GULP1: variants seen among roughly 807,000 people sequenced by gnomAD.
GULP1 encodes PTB domain-containing engulfment adapter protein 1.
GULP1 carries 19 observed loss-of-function variants against 40.9 expected under a neutral mutation model. The ratio of observed to expected loss-of-function variants is 0.46; its 90% confidence interval spans 0.32 to 0.68. GULP1 has a LOEUF of 0.68. Ranked by LOEUF, GULP1 falls within the 30% of genes least tolerant of loss-of-function variation. GULP1 has a pLI of 0.03. For missense variants in GULP1, 312 were observed against 362.2 expected (o/e 0.86, Z 1.12); for synonymous variants, 119 against 117.6 (o/e 1.01, Z -0.08).
chr2:188,477,574 G>A, intron 2 of GULP1, 85 bp from the exon 3 acceptor site: 1 of 675,862 alleles, frequency 1.5e-6, no homozygotes, highest in South Asian at 2.0e-5. Context: ...AATTTAAAAA[G>A]CCTTTATAAT....
rs1381029468 is a variant in GULP1, at chr2:188,520,637, A to C, written c.91-2119A>C. ...TTTACTCTCTAGCCTCCATTTGTTC[A>C]TCAGAAAGGGAACACCAGTTGTTGC... On this transcript the variant is annotated intron_variant, in intron 4 of 11. Coordinates refer to ENST00000409830, the MANE Select transcript of GULP1 (RefSeq NM_016315.4). Among the ~76,000 whole-genome samples the C allele has an allele frequency of 2.0e-5, 3 of 151,606 alleles. No individual in the cohort carries two copies. In the South Asian group the frequency reaches 6.3e-4, roughly 32 times the overall value.
At chr2:188,520,472 G>A (rs2065632411) in intron 4 of GULP1, among the ~76,000 whole-genome samples, 1 of 150,136 alleles carries the variant, frequency 6.7e-6, no homozygotes, top group Middle Eastern at 3.2e-3. Context: ...GAAAGTTGCA[G>A]TGAGCCGAGG....
At chr2:188,493,369 C>G (rs1229803541) in intron 4 of GULP1, among the ~76,000 whole-genome samples, 3 of 152,000 alleles carry the variant, frequency 2.0e-5, no homozygotes, top group Non-Finnish European at 4.4e-5. Context: ...CCTGAGACTT[C>G]ATTTTTTATC....
intron 7 of GULP1, among the ~76,000 whole-genome samples, chr2:188,564,087 A>G (rs1020513986): frequency 1.3e-5 from 2 of 151,980 alleles, no homozygotes; most frequent in African/African-American, 2.4e-5. Context: ...TAAAATTTAT[A>G]GCATGCTAGG....
intron 9 of GULP1, among the ~76,000 whole-genome samples, chr2:188,583,755 A>G (rs907835551): frequency 7.2e-5 from 11 of 152,198 alleles, no homozygotes; most frequent in African/African-American, 1.4e-4. Context: ...TGTTGATATA[A>G]ATACAAACTA....
intron 2 of GULP1, among the ~76,000 whole-genome samples, chr2:188,447,299 T>G (rs1048525532): frequency 6.6e-6 from 1 of 152,094 alleles, no homozygotes; most frequent in Non-Finnish European, 1.5e-5. Flanking sequence ...TCAGCAGTTC[T>G]GAAAGGGAGG....
At chr2:188,294,649 T>G (rs2034528057) in intron 1 of GULP1, among the ~76,000 whole-genome samples, 4 of 152,200 alleles carry the variant, frequency 2.6e-5, no homozygotes, top group Non-Finnish European at 5.9e-5. Context: ...TTTAAGAGTT[T>G]GAGATTGTGA....
chr2:188,584,599 T>C (rs1701987882), intron 10 of GULP1, among the ~76,000 whole-genome samples, 196 bp downstream of exon 10: 1 of 151,994 alleles, frequency 6.6e-6, no homozygotes, highest in Non-Finnish European at 1.5e-5. Flanking sequence ...ACTAATGACA[T>C]CTCTGCTTGC....
At chr2:188,465,670 C>T (rs140129791) in intron 2 of GULP1, among the ~76,000 whole-genome samples, 2 of 152,070 alleles carry the variant, frequency 1.3e-5, no homozygotes, top group African/African-American at 4.8e-5. Flanking sequence ...TTAAATTCTC[C>T]CTCCTTGGGC....
chr2:188,343,803 T>C (rs1423419209), intron 1 of GULP1, among the ~76,000 whole-genome samples: 2 of 152,182 alleles, frequency 1.3e-5, no homozygotes, highest in African/African-American at 4.8e-5. Context: ...TTTTTATTTT[T>C]ATTTTTTATT....
At chr2:188,425,290 G>A (rs1405309135) in intron 2 of GULP1, among the ~76,000 whole-genome samples, 1 of 152,046 alleles carries the variant, frequency 6.6e-6, no homozygotes, top group South Asian at 2.1e-4. Flanking sequence ...CTGTTGTTAT[G>A]AGCTTATGGA....
At chr2:188,459,439 T>C (rs550146777) in intron 2 of GULP1, among the ~76,000 whole-genome samples, 10 of 152,282 alleles carry the variant, frequency 6.6e-5, no homozygotes, top group African/African-American at 2.2e-4. Flanking sequence ...ATACATCCTT[T>C]TCATATGCCT....
chr2:188,318,699 C>T (rs1341988037), intron 1 of GULP1, among the ~76,000 whole-genome samples: 1 of 152,136 alleles, frequency 6.6e-6, no homozygotes, highest in Admixed American at 6.6e-5. Context: ...ATCCAACAAC[C>T]CAGGAGTTAT....
chr2:188,352,537 C>T (rs2044597056), intron 1 of GULP1, among the ~76,000 whole-genome samples: 1 of 151,492 alleles, frequency 6.6e-6, no homozygotes, highest in Admixed American at 6.6e-5. Context: ...GCCCATTTGC[C>T]CATTCCTTAA....
chr2:188,445,342 C>T (rs905410052), intron 2 of GULP1, among the ~76,000 whole-genome samples: 3 of 152,060 alleles, frequency 2.0e-5, no homozygotes, highest in African/African-American at 7.2e-5. Flanking sequence ...ACAGAGCATG[C>T]ATTTGATTGG....
At chr2:188,317,866 T>A (rs2039357208) in intron 1 of GULP1, among the ~76,000 whole-genome samples, 1 of 152,044 alleles carries the variant, frequency 6.6e-6, no homozygotes, top group Non-Finnish European at 1.5e-5. Context: ...GAAAAGTTTT[T>A]CTGAGAGTAA....
At chr2:188,328,837 A>G (rs1203506627) in intron 1 of GULP1, among the ~76,000 whole-genome samples, 2 of 152,164 alleles carry the variant, frequency 1.3e-5, no homozygotes, top group African/African-American at 2.4e-5. Flanking sequence ...CATGATGAAT[A>G]TGAGTATACA....
intron 7 of GULP1, among the ~76,000 whole-genome samples, chr2:188,561,611 G>C (rs1282965409): frequency 6.6e-6 from 1 of 152,178 alleles, no homozygotes. Context: ...CTTGTGCTCA[G>C]ATCTCCCAGT....
intron 7 of GULP1, among the ~76,000 whole-genome samples, chr2:188,543,928 A>T (rs1691213539): frequency 6.6e-6 from 1 of 152,150 alleles, no homozygotes; most frequent in Non-Finnish European, 1.5e-5. Flanking sequence ...ACAAGACTGG[A>T]ATTCACTACT....
Sources: allele counts gnomAD v4.1 joint callset (sites outside exome capture counted in the v4.1 genomes callset), GRCh38; gene constraint gnomAD v4.1.1; transcripts MANE v1.5; gene names NCBI Gene and HGNC (gene_info 2026-07-23, HGNC 2026-07-21).